PACRG: variants seen among roughly 807,000 people sequenced by gnomAD.
The protein encoded by PACRG is parkin coregulated gene protein.
PACRG carries 29 observed loss-of-function variants against 29.7 expected under a neutral mutation model. The ratio of observed to expected loss-of-function variants is 0.98; its 90% CI spans 0.73 to 1.33. PACRG has a LOEUF of 1.33. Among genes scored for constraint, PACRG ranks in the 40% most tolerant of loss-of-function variants. The probability of loss-of-function intolerance (pLI) is 0.00; values close to 1 mark genes in which losing one functional copy is unlikely to be tolerated. For synonymous variants in PACRG, 116 were observed against 118.7 expected, an observed-to-expected ratio of 0.98 and a Z score of 0.15; for missense variants, 279 against 316.2, an observed-to-expected ratio of 0.88 and a Z score of 0.89.
rs1810248334 is a variant in PACRG at position 163,053,561 on chromosome 6, T to G, written c.292-8589T>G. Among the ~76,000 whole-genome samples, 2 of 152,196 alleles carry G rather than the reference T, an allele frequency of 1.3e-5. 1 individual carries two copies. The highest frequency in any genetic ancestry group is 1.3e-4 in the Admixed American group (2 of 15,282). On this transcript the variant is annotated intron_variant, in intron 2 of 4. Transcript: ENST00000366888. ...TCAGAATAGCCAATTAAACCCTAAA[T>G]GATTTCTAGTGAAATGAGGGAAAAC...
At chr6:162,856,486 C>T (rs1178220947) in intron 2 of PACRG, among the ~76,000 whole-genome samples, 2 of 152,066 alleles carry the variant, frequency 1.3e-5, no homozygotes, top group Admixed American at 1.3e-4. Context: ...AGGTCCAAGC[C>T]CAGGAGATGA....
chr6:163,226,554 A>G (rs1562326398), intron 4 of PACRG, among the ~76,000 whole-genome samples: 1 of 152,210 alleles, frequency 6.6e-6, no homozygotes, highest in Non-Finnish European at 1.5e-5. Flanking sequence ...AGGAGAGGTT[A>G]GACTGCCTGG....
chr6:162,761,390 A>G (rs1380130152), intron 1 of PACRG, among the ~76,000 whole-genome samples: 2 of 152,188 alleles, frequency 1.3e-5, no homozygotes, highest in African/African-American at 4.8e-5. Flanking sequence ...CTTTTTAAAT[A>G]TAAAGGCGCA....
At chr6:163,239,779 C>A (rs1410228674) in intron 4 of PACRG, among the ~76,000 whole-genome samples, 1 of 147,902 alleles carries the variant, frequency 6.8e-6, no homozygotes, top group Non-Finnish European at 1.5e-5. Flanking sequence ...TCCACCCCCA[C>A]ACACACACAC....
At position 163,109,784 on chromosome 6, in the gene PACRG, A is replaced by T. The variant is rs566139306; in HGVS notation, c.613+20376A>T. On this transcript the variant is annotated intron_variant, in intron 4 of 4. Coordinates refer to ENST00000366888, the MANE Select transcript of PACRG (RefSeq NM_001080379.2). Reference sequence around the variant, plus strand: ...ATTTCCACTTTTTAAAGAATTCTTCACTTTGTTAAGAATTTACATGATGAC... The same window carrying T: ...ATTTCCACTTTTTAAAGAATTCTTCTCTTTGTTAAGAATTTACATGATGAC... Among the ~76,000 whole-genome samples, 29 of 152,382 alleles carry T rather than the reference A, an allele frequency of 1.9e-4. 1 individual carries two copies. The South Asian group carries it at 6.0e-3, about 32-fold the overall frequency.
At chr6:162,846,346 T>C (rs1790377921) in intron 2 of PACRG, among the ~76,000 whole-genome samples, 1 of 152,176 alleles carries the variant, frequency 6.6e-6, no homozygotes, top group East Asian at 1.9e-4. Flanking sequence ...ATACGGGAAG[T>C]GCATTCTCAT....
intron 1 of PACRG, among the ~76,000 whole-genome samples, chr6:162,739,915 C>G (rs967991333): frequency 3.4e-5 from 5 of 148,270 alleles, no homozygotes; most frequent in African/African-American, 7.4e-5. Context: ...AAGGTTTCTT[C>G]TATGTGTTTT....
intron 2 of PACRG, among the ~76,000 whole-genome samples, chr6:162,929,468 C>A (rs1045047139): frequency 2.0e-5 from 3 of 151,908 alleles, no homozygotes; most frequent in African/African-American, 7.2e-5. Context: ...CCTTATAATT[C>A]TGGTTATTAA....
At chr6:163,257,021 T>C (rs375703200) in intron 4 of PACRG, among the ~76,000 whole-genome samples, 1 of 152,094 alleles carries the variant, frequency 6.6e-6, no homozygotes, top group Non-Finnish European at 1.5e-5. Context: ...CTTCACGTGG[T>C]CTTTTCTTGT....
rs1779641427 is a variant in PACRG at position 163,181,224 on chromosome 6, T to A, written c.613+91816T>A. Among the ~76,000 whole-genome samples the A allele has an allele frequency of 2.0e-5, 3 of 152,124 alleles. No homozygotes were observed. In the South Asian group the frequency reaches 6.2e-4, roughly 32 times the overall value. On this transcript the variant is annotated intron_variant, in intron 4 of 4. Coordinates refer to ENST00000366888, the MANE Select transcript of PACRG (RefSeq NM_001080379.2). ...AAACCTACTTGCCTGACCATTTTACTCCCATACCTCGGGCTATCTTGCAAA... is the reference window on the plus strand; with the variant it reads ...AAACCTACTTGCCTGACCATTTTACACCCATACCTCGGGCTATCTTGCAAA...
At chr6:162,799,379 T>C (rs1311014940) in intron 1 of PACRG, among the ~76,000 whole-genome samples, 1 of 152,210 alleles carries the variant, frequency 6.6e-6, no homozygotes, top group Non-Finnish European at 1.5e-5. Context: ...GAATAGACTG[T>C]GGTGGAAACT....
At chr6:163,249,547 C>T (rs186064858) in intron 4 of PACRG, among the ~76,000 whole-genome samples, 40 of 152,248 alleles carry the variant, frequency 2.6e-4, no homozygotes, top group Non-Finnish European at 4.6e-4. Context: ...CCTGATGGGC[C>T]GGAAGTGGAG....
chr6:162,941,085 C>T (rs1798596968), intron 2 of PACRG, among the ~76,000 whole-genome samples: 1 of 151,028 alleles, frequency 6.6e-6, no homozygotes, highest in African/African-American at 2.5e-5. Flanking sequence ...TGTGATCATG[C>T]ATACACACAA....
At chr6:163,042,335 G>A (rs1278862896) in intron 2 of PACRG, among the ~76,000 whole-genome samples, 2 of 152,158 alleles carry the variant, frequency 1.3e-5, no homozygotes, top group African/African-American at 2.4e-5. Context: ...CCTAAATAGC[G>A]ATGCTTGGTC....
rs139059793 is a variant in PACRG at position 163,205,914 on chromosome 6, C to T, written c.614-108913C>T. 1.4e-3 allele frequency among the ~76,000 whole-genome samples: 215 copies of T among 152,292 alleles called. 2 individuals are homozygous for T. Among genetic ancestry groups the T allele is most frequent in the African/African-American group, 5.0e-3 (208 of 41,570 alleles). ...AAAGTGGGCAAATGACATGAACAGA[C>T]ATTTTTCAAAATAAGACACAAATGA... On this transcript the variant is annotated intron_variant, in intron 4 of 4. Coordinates refer to ENST00000366888, the MANE Select transcript of PACRG (RefSeq NM_001080379.2).
intron 2 of PACRG, among the ~76,000 whole-genome samples, chr6:163,032,872 G>A (rs1328680673): frequency 2.0e-5 from 3 of 152,132 alleles, no homozygotes; most frequent in Non-Finnish European, 2.9e-5. Context: ...TTTTGTGAAA[G>A]AGCAGATCAT....
intron 2 of PACRG, among the ~76,000 whole-genome samples, chr6:162,992,896 C>G (rs1333954917): frequency 6.6e-6 from 1 of 151,734 alleles, no homozygotes; most frequent in African/African-American, 2.4e-5. Context: ...AAATTTCCCT[C>G]TACACACTGC....
At chr6:163,122,885 C>G (rs573441323) in intron 4 of PACRG, among the ~76,000 whole-genome samples, 1 of 152,278 alleles carries the variant, frequency 6.6e-6, no homozygotes, top group Non-Finnish European at 1.5e-5. Flanking sequence ...TTTCCTTTTG[C>G]GTGTCTGTGT....
intron 4 of PACRG, among the ~76,000 whole-genome samples, chr6:163,209,516 T>C (rs942436730): frequency 6.6e-6 from 1 of 152,220 alleles, no homozygotes; most frequent in Non-Finnish European, 1.5e-5. Context: ...ATTGTTAATA[T>C]TGACAGGTTA....
Sources: allele counts gnomAD v4.1 joint callset (sites outside exome capture counted in the v4.1 genomes callset), GRCh38; gene constraint gnomAD v4.1.1; transcripts MANE v1.5; gene names NCBI Gene and HGNC (gene_info 2026-07-23, HGNC 2026-07-21).